Variants in EPHB1 observed in about 807,000 individuals in gnomAD.
EPHB1 encodes ephrin type-B receptor 1.
EPHB1 carries 30 observed loss-of-function variants against 94.4 expected under a neutral mutation model. The observed-to-expected ratio is 0.32, with a 90% CI of 0.24 to 0.43. The LOEUF is 0.43. EPHB1 is among the 20% of genes least tolerant of loss of function. The pLI, the probability that EPHB1 is intolerant of heterozygous loss-of-function variation, is 1.00. For synonymous variants in EPHB1, 522 were observed against 489.1 expected (o/e 1.07, Z -0.89); for missense variants, 1,055 against 1,308.3 (o/e 0.81, Z 2.99).
At chr3:134,902,274 A>G (rs1329092699) in intron 1 of EPHB1, among the ~76,000 whole-genome samples, 1 of 152,100 alleles carries the variant, frequency 6.6e-6, no homozygotes, top group Non-Finnish European at 1.5e-5. Flanking sequence ...AGGACAGAGA[A>G]GAAGTGATAG....
At chr3:135,131,845 G>T (rs1327518772) in intron 4 of EPHB1, among the ~76,000 whole-genome samples, 1 of 152,172 alleles carries the variant, frequency 6.6e-6, no homozygotes, top group Non-Finnish European at 1.5e-5. Flanking sequence ...TCAGAGCAGG[G>T]CTATAGTTGA....
At chr3:135,258,896 A>T in intron 15 of EPHB1, 116 bp from the exon 16 acceptor site, 1 of 881,802 alleles carries the variant, frequency 1.1e-6, no homozygotes, top group Non-Finnish European at 1.8e-6. Flanking sequence ...AACTTAAGCT[A>T]GTTGGATTTT....
chr3:134,853,834 CAG>C (rs2037046393), intron 1 of EPHB1, among the ~76,000 whole-genome samples: 1 of 152,154 alleles, frequency 6.6e-6, no homozygotes, highest in Non-Finnish European at 1.5e-5. Context: ...GGATGGAAAA[CAG>C]AGACAGGGGT....
chr3:135,024,675 T>C (rs1936087493), intron 3 of EPHB1, among the ~76,000 whole-genome samples: 1 of 152,210 alleles, frequency 6.6e-6, no homozygotes, highest in South Asian at 2.1e-4. Context: ...TTTCTATTTT[T>C]ATTAAAGTAA....
At chr3:135,017,672 C>T (rs545949768) in intron 3 of EPHB1, among the ~76,000 whole-genome samples, 2 of 152,240 alleles carry the variant, frequency 1.3e-5, no homozygotes, top group Admixed American at 6.5e-5. Flanking sequence ...TGCTCCCCTC[C>T]CTGTGGGACT....
intron 3 of EPHB1, among the ~76,000 whole-genome samples, chr3:134,981,036 G>T (rs1051125317): frequency 1.3e-5 from 2 of 152,166 alleles, no homozygotes; most frequent in Non-Finnish European, 2.9e-5. Flanking sequence ...GGCAAGCAGG[G>T]TATCAGACCT....
intron 12 of EPHB1, among the ~76,000 whole-genome samples, chr3:135,204,079 C>T (rs779078371): frequency 1.3e-5 from 2 of 152,054 alleles, no homozygotes; most frequent in South Asian, 2.1e-4. Context: ...TGTTTTGATA[C>T]GGGCATGCAA....
Position 135,061,340 on chromosome 3 carries a change from A to G in EPHB1, c.806-45108A>G, listed in dbSNP as rs535892514. Among the ~76,000 whole-genome samples, 533 of 149,874 alleles carry G rather than the reference A, an allele frequency of 3.6e-3. 1 individual carries two copies. The highest frequency in any genetic ancestry group is 6.2e-3 in the Non-Finnish European group (416 of 67,574). On this transcript the variant is annotated intron_variant, in intron 3 of 15. Coordinates refer to ENST00000398015, the MANE Select transcript of EPHB1 (RefSeq NM_004441.5). ...ATCATTCTTATGCTTTTGTGTCCTC[A>G]TAGCTTAGCTCCCACTTAGGAATGA... is the stretch of plus-strand genomic sequence containing the variant.
intron 1 of EPHB1, among the ~76,000 whole-genome samples, chr3:134,796,950 G>A (rs998029000): frequency 1.3e-5 from 2 of 152,218 alleles, no homozygotes; most frequent in Admixed American, 1.3e-4. Flanking sequence ...AAACACGATG[G>A]TTTGGTGCCC....
At chr3:135,252,255 T>G (rs1312615735) in intron 15 of EPHB1, among the ~76,000 whole-genome samples, 1 of 151,734 alleles carries the variant, frequency 6.6e-6, no homozygotes, top group Non-Finnish European at 1.5e-5. Context: ...ACGGTACATG[T>G]GCACATTGTG....
intron 15 of EPHB1, among the ~76,000 whole-genome samples, chr3:135,249,745 A>G (rs115928103): frequency 5.9e-5 from 9 of 152,334 alleles, no homozygotes; most frequent in Non-Finnish European, 1.2e-4. Context: ...CTAATCACCC[A>G]GAGTCTCTTC....
At chr3:134,835,782 G>A (rs1016774128) in intron 1 of EPHB1, among the ~76,000 whole-genome samples, 2 of 152,072 alleles carry the variant, frequency 1.3e-5, no homozygotes, top group East Asian at 3.9e-4. Flanking sequence ...GCAGAAAAGG[G>A]GTGTCAAGAT....
intron 10 of EPHB1, among the ~76,000 whole-genome samples, chr3:135,188,703 G>C (rs1006476136): frequency 1.3e-5 from 2 of 152,140 alleles, no homozygotes; most frequent in Non-Finnish European, 2.9e-5. Context: ...TGTTGTTTGC[G>C]TGTAGACATG....
At chr3:134,890,333 C>T (rs1328409465) in intron 1 of EPHB1, among the ~76,000 whole-genome samples, 1 of 152,198 alleles carries the variant, frequency 6.6e-6, no homozygotes, top group African/African-American at 2.4e-5. Context: ...TTGAGAGATC[C>T]ATCCATGTTG....
intron 2 of EPHB1, among the ~76,000 whole-genome samples, chr3:134,941,798 C>CACAA (rs905075046): frequency 1.4e-5 from 2 of 140,638 alleles, no homozygotes; most frequent in African/African-American, 5.1e-5. Context: ...CACACACACA[C>CACAA]AATCAGCCAG....
At chr3:134,988,740 T>C (rs973139315) in intron 3 of EPHB1, among the ~76,000 whole-genome samples, 4 of 152,218 alleles carry the variant, frequency 2.6e-5, no homozygotes, top group African/African-American at 9.7e-5. Flanking sequence ...CAGATTCTCT[T>C]TTTATGAAAT....
At chr3:134,806,815 G>C (rs772385253) in intron 1 of EPHB1, among the ~76,000 whole-genome samples, 1 of 152,080 alleles carries the variant, frequency 6.6e-6, no homozygotes, top group South Asian at 2.1e-4. Context: ...ATCCTATTGG[G>C]GGAACAGACA....
At chr3:134,925,225 TCTATGTGAAACCTTTGACAAAG>T (rs1223554206) in intron 1 of EPHB1, among the ~76,000 whole-genome samples, 3 of 152,134 alleles carry the variant, frequency 2.0e-5, no homozygotes, top group Admixed American at 6.5e-5. Context: ...GTGTTTGTGT[TCTATGTGAAACCTTTGACAAAG>T]CTATGTGAGC....
chr3:134,816,617 T>C (rs1470810416), intron 1 of EPHB1, among the ~76,000 whole-genome samples: 1 of 152,094 alleles, frequency 6.6e-6, no homozygotes, highest in African/African-American at 2.4e-5. Flanking sequence ...TCTGTATCTC[T>C]CTTTTCATTT....
Sources: gnomAD v4.1 joint callset for allele counts (sites outside exome capture counted in the v4.1 genomes callset) on GRCh38, gnomAD v4.1.1 for gene constraint, MANE v1.5 for transcripts, NCBI Gene and HGNC (gene_info 2026-07-23, HGNC 2026-07-21) for gene names.